The following MCPH1 variants were observed in gnomAD, a reference collection of about 807,000 sequenced individuals.
MCPH1 encodes microcephalin 1.
MCPH1 carries 104 observed loss-of-function variants against 84.5 expected under a neutral mutation model. The observed-to-expected ratio is 1.23, with a 90% confidence interval of 1.05 to 1.45. The LOEUF (loss-of-function observed/expected upper bound fraction) is 1.45. MCPH1 is among the 40% of genes most tolerant of loss of function. The probability of loss-of-function intolerance (pLI) is 0.00; values close to 1 mark genes in which losing one functional copy is unlikely to be tolerated. For missense variants in MCPH1, 1,498 were observed against 1,005.7 expected (o/e 1.49, Z -6.62); for synonymous variants, 514 against 366.8 (o/e 1.40, Z -4.58).
intron 13 of MCPH1, among the ~76,000 whole-genome samples, chr8:6,628,280 C>G (rs572287600): frequency 1.3e-5 from 2 of 152,036 alleles, no homozygotes; most frequent in South Asian, 4.2e-4. Context: ...ACCATCCTGG[C>G]TAACACAGTG....
chr8:6,532,370 C>T (rs768999298), intron 12 of MCPH1: 2 of 1,614,082 alleles, frequency 1.2e-6, no homozygotes, highest in South Asian at 2.2e-5. Context: ...GTTTGCTCCG[C>T]TGTTTGGTTC....
rs954118539 is a variant in MCPH1, at chr8:6,626,877, G to A, written c.2452+5186G>A. ...GGCTGGCTTGGCCTTTCTCATAGGC[G>A]TATTTCCACTCTCAGGCGCCCTTTT... is the stretch of plus-strand genomic sequence containing the variant. On this transcript the variant is annotated intron_variant, in intron 13 of 13. Coordinates refer to ENST00000344683, the MANE Select transcript of MCPH1 (RefSeq NM_024596.5). 44 of 984,632 alleles carry A rather than the reference G, an allele frequency of 4.5e-5. No individual in the cohort carries two copies. The East Asian group carries it at 4.5e-4, about 10-fold the overall frequency. 61.0% of individuals were successfully genotyped at this position (984,632 alleles called of 1,614,324 possible).
chr8:6,577,149 CG>C (rs1228544818), intron 12 of MCPH1, among the ~76,000 whole-genome samples: 7 of 152,306 alleles, frequency 4.6e-5, no homozygotes, highest in African/African-American at 7.2e-5. Flanking sequence ...CTCTCAGCCC[CG>C]GGCAAAGGGA....
At chr8:6,457,604 C>G (rs751468778) in intron 9 of MCPH1, among the ~76,000 whole-genome samples, 5 of 152,026 alleles carry the variant, frequency 3.3e-5, no homozygotes, top group African/African-American at 4.8e-5. Context: ...GACTCTGTCT[C>G]AAAAATAAAT....
At chr8:6,455,034 G>T in intron 8 of MCPH1, 109 bp from the exon 9 acceptor site, 1 of 810,516 alleles carries the variant, frequency 1.2e-6, no homozygotes, top group Non-Finnish European at 2.2e-6. Context: ...TTATTTAAAA[G>T]GCCTATAACT....
chr8:6,614,264 C>A (rs17077683), intron 12 of MCPH1, among the ~76,000 whole-genome samples: 2 of 152,290 alleles, frequency 1.3e-5, no homozygotes, highest in South Asian at 2.1e-4. Flanking sequence ...CTTGGCCGCT[C>A]GGACAGGACT....
chr8:6,617,565 C>A (rs1053006938), intron 12 of MCPH1, among the ~76,000 whole-genome samples: 2 of 151,988 alleles, frequency 1.3e-5, no homozygotes, highest in Non-Finnish European at 2.9e-5. Flanking sequence ...CCCCAACTTA[C>A]GTCTGTCCCC....
chr8:6,445,749 T>A (rs992969564), intron 8 of MCPH1: 34 of 1,369,046 alleles, frequency 2.5e-5, no homozygotes, highest in Non-Finnish European at 3.0e-5. Context: ...CTAGACTTAT[T>A]GGTTAAGTCT....
chr8:6,480,224 A>C (rs990238083), intron 10 of MCPH1, among the ~76,000 whole-genome samples: 4 of 151,886 alleles, frequency 2.6e-5, no homozygotes, highest in African/African-American at 9.7e-5. Flanking sequence ...CCCGGATTCA[A>C]GCTATTCTGT....
In MCPH1 at chr8:6,455,204, C is replaced by T. The variant is rs1442388843; in HGVS notation, c.1887C>T (p.Asp629=). Residue 629 remains aspartate, a synonymous_variant, in exon 9 of 14, where the codon GAC becomes GAT. Coordinates refer to ENST00000344683, the MANE Select transcript of MCPH1 (RefSeq NM_024596.5). ...VLDDSCDGFK[D]LIKPHEELKK... The stretch of plus-strand genomic sequence containing the variant: ...ATGACTCATGTGACGGCTTTAAGGA[C>T]CTCATCAAACCTCATGAGGAATTGA... 2 of 1,613,970 alleles carry T rather than the reference C, an allele frequency of 1.2e-6. No individual in the cohort carries two copies. Among genetic ancestry groups the T allele is most frequent in the African/African-American group, 1.3e-5 (1 of 75,008 alleles).
intron 11 of MCPH1, among the ~76,000 whole-genome samples, chr8:6,491,131 C>T (rs1449023173): frequency 6.6e-6 from 1 of 151,082 alleles, no homozygotes; most frequent in African/African-American, 2.4e-5. Flanking sequence ...AAAAAGGTGG[C>T]CACATACCAA....
intron 12 of MCPH1, among the ~76,000 whole-genome samples, chr8:6,523,362 T>C (rs1005911164): frequency 6.6e-6 from 1 of 152,200 alleles, no homozygotes; most frequent in African/African-American, 2.4e-5. Flanking sequence ...TAAGATACTT[T>C]ATTAATGGTT....
intron 12 of MCPH1, chr8:6,562,549 C>CTTTTTTTTTTTTTTTTTTTTTTTTTTTT (rs1264718918): frequency 1.1e-5 from 1 of 87,380 alleles, no homozygotes; most frequent in African/African-American, 1.1e-4. Context: ...CTTCATCCTC[C>CTTTTTTTTTTTTTTTTTTTTTTTTTTTT]TTCTTTTTTT....
chr8:6,605,345 T>C (rs1043906628), intron 12 of MCPH1, among the ~76,000 whole-genome samples: 3 of 152,232 alleles, frequency 2.0e-5, no homozygotes, highest in Non-Finnish European at 4.4e-5. Flanking sequence ...AAAAGCTTGT[T>C]TCACCCAGGG....
intron 12 of MCPH1, among the ~76,000 whole-genome samples, chr8:6,562,150 A>G (rs1825634130): frequency 1.3e-5 from 2 of 152,186 alleles, no homozygotes; most frequent in Non-Finnish European, 2.9e-5. Flanking sequence ...ATTTTAGTAA[A>G]TAAATTCAGG....
intron 1 of MCPH1, among the ~76,000 whole-genome samples, chr8:6,408,751 C>T (rs1019520490): frequency 1.3e-5 from 2 of 151,984 alleles, no homozygotes; most frequent in African/African-American, 2.4e-5. Context: ...TTTTTAGAGA[C>T]AGGGTTTCAC....
chr8:6,574,524 C>T (rs1211373140), intron 12 of MCPH1, among the ~76,000 whole-genome samples: 1 of 152,146 alleles, frequency 6.6e-6, no homozygotes, highest in Non-Finnish European at 1.5e-5. Flanking sequence ...GTAATTCTAT[C>T]CATAACACTT....
At chr8:6,619,618 C>T (rs1294324026) in intron 12 of MCPH1, among the ~76,000 whole-genome samples, 1 of 146,986 alleles carries the variant, frequency 6.8e-6, no homozygotes, top group Non-Finnish European at 1.5e-5. Flanking sequence ...GAGTGTTGCT[C>T]TTATTGCCCA....
intron 13 of MCPH1, chr8:6,626,554 A>G (rs958418160): frequency 4.1e-5 from 40 of 984,710 alleles, no homozygotes; most frequent in Middle Eastern, 5.2e-4. Flanking sequence ...GGAAAACAAA[A>G]ATCAAATTCC....
Sources: allele counts gnomAD v4.1 joint callset (sites outside exome capture counted in the v4.1 genomes callset), GRCh38; gene constraint gnomAD v4.1.1; transcripts MANE v1.5; gene names NCBI Gene and HGNC (gene_info 2026-07-23, HGNC 2026-07-21).